The following USP1 variants were observed in gnomAD, a reference collection of about 807,000 sequenced individuals.
USP1 encodes ubiquitin carboxyl-terminal hydrolase 1.
A neutral mutation model predicts 72.2 loss-of-function variants in USP1; 18 were observed. The ratio of observed to expected loss-of-function variants is 0.25; its 90% CI spans 0.17 to 0.37. The LOEUF is 0.37. USP1 is among the 10% of genes least tolerant of loss of function. USP1 has a pLI of 1.00. For synonymous variants in USP1, 354 were observed against 303.7 expected (o/e 1.17, Z -1.72); for missense variants, 759 against 884.9 (o/e 0.86, Z 1.81).
intron 1 of USP1, 49 bp from the exon 2 acceptor site, chr1:62,439,750 G>T: frequency 1.1e-6 from 1 of 930,762 alleles, no homozygotes. Flanking sequence ...TGATTTTGTT[G>T]CCAAAACTGA....
rs1444470316 is a variant in USP1, at chr1:62,437,373, C to G, written c.-97C>G. The G allele has an allele frequency of 5.1e-6, 2 of 390,904 alleles. No homozygotes were observed. The highest frequency in any genetic ancestry group is 2.1e-5 in the African/African-American group (1 of 48,396). 24.2% of individuals were successfully genotyped at this position (390,904 alleles called of 1,614,324 possible). On this transcript the variant is annotated 5_prime_UTR_variant, in exon 1 of 9. Coordinates refer to ENST00000339950, the MANE Select transcript of USP1 (RefSeq NM_003368.5). ...GGGTTGGACTTGCCGGCGTCACCGC[C>G]GCGGACTTCGCTTTGGGCCATGACC...
chr1:62,441,682 T>C, intron 3 of USP1, 74 bp downstream of exon 3: 1 of 1,490,816 alleles, frequency 6.7e-7, no homozygotes, highest in South Asian at 1.4e-5. Context: ...GTTTTTGAGT[T>C]ATTGGAGGAC....
rs752830106 is a variant in USP1 at position 62,450,733 on chromosome 1, A to G, written c.2110A>G (p.Ser704Gly). 4 of 1,613,924 alleles carry G rather than the reference A, an allele frequency of 2.5e-6. No individual in the cohort carries two copies. The highest frequency in any genetic ancestry group is 3.3e-4 in the Middle Eastern group (2 of 6,080). Residue 704 changes from serine to glycine, a missense_variant, in exon 9 of 9, where the codon AGT becomes GGT. Physicochemically the swap from Ser to Gly is moderately conservative, Grantham distance 56. Transcript: ENST00000339950. The stretch of plus-strand genomic sequence containing the variant: ...TGCTGAAAATAGAAATTCTGAGACT[A>G]GTGATACTACTGGGACCCATGAATC... ...AFAENRNSET[S>G]DTTGTHESDR... is the part of the protein sequence containing the mutation.
rs369855508 is a variant in USP1 at position 62,450,487 on chromosome 1, G to C, written c.1864G>C (p.Gly622Arg). Residue 622 changes from glycine (G) to arginine (R), a missense_variant, in exon 9 of 9, where the codon GGT (glycine) becomes CGT (arginine). By Grantham distance (125) the Gly-to-Arg change is moderately radical (BLOSUM62 -2). Transcript: ENST00000339950. ...TGTGGTTGACCAAATGTGTGAAATA[G>C]GTAAGCCAGAACCATTGAATGAGGA... is the stretch of plus-strand genomic sequence containing the variant. ...NFVVDQMCEI[G>R]KPEPLNEEEA... The C allele has an allele frequency of 6.2e-7, 1 of 1,614,058 alleles. No homozygotes were observed. The highest frequency in any genetic ancestry group is 8.5e-7 in the Non-Finnish European group (1 of 1,180,016).
chr1:62,443,868 C>A (rs575030697), intron 5 of USP1, among the ~76,000 whole-genome samples: 1 of 152,084 alleles, frequency 6.6e-6, no homozygotes, highest in East Asian at 1.9e-4. Flanking sequence ...TATAAAATAG[C>A]CTTATTCAAA....
chr1:62,440,136 A>C, intron 2 of USP1, 99 bp downstream of exon 2: 1 of 1,095,226 alleles, frequency 9.1e-7, no homozygotes, highest in Non-Finnish European at 1.2e-6. Flanking sequence ...GTAGCGGCAC[A>C]AAAAAGTACG....
intron 3 of USP1, 46 bp from the exon 4 acceptor site, chr1:62,442,149 G>A (rs930344701): frequency 8.0e-7 from 1 of 1,252,074 alleles, no homozygotes; most frequent in Non-Finnish European, 1.1e-6. Flanking sequence ...GATTTTACGT[G>A]TATTGTTTGT....
Position 62,450,997 on chromosome 1 carries a change from C to T in USP1, c.*16C>T. On this transcript the variant is annotated 3_prime_UTR_variant, in exon 9 of 9. Transcript: ENST00000339950. The stretch of plus-strand genomic sequence containing the variant: ...GAAATTATAGAGTGAGTGTATTTTC[C>T]TTGTGTATATATTAAACACACCCAT... 6 of 1,555,760 alleles carry T rather than the reference C, an allele frequency of 3.9e-6. No homozygotes were observed. The highest frequency in any genetic ancestry group is 5.2e-6 in the Non-Finnish European group (6 of 1,159,810).
intron 7 of USP1, 59 bp downstream of exon 7, chr1:62,447,570 C>T (rs549617615): frequency 1.9e-6 from 3 of 1,542,684 alleles, no homozygotes; most frequent in African/African-American, 2.8e-5. Context: ...TCTTTAACAA[C>T]ACAAAGTTTA....
rs912352174 is a variant in USP1 at position 62,451,167 on chromosome 1, C to T, written c.*186C>T. 6.7e-6 allele frequency: 4 copies of T among 601,146 alleles called. No homozygotes were observed. The highest frequency in any genetic ancestry group is 1.9e-5 in the African/African-American group (1 of 52,090). The allele number at this position is 601,146 out of a possible 1,614,324, so 37.2% of individuals were successfully genotyped here. A position where few individuals can be genotyped will look rare whatever the true frequency, so the allele number is the denominator to read the frequency against. On this transcript the variant is annotated 3_prime_UTR_variant, in exon 9 of 9. Transcript: ENST00000339950. ...ATGTTAATTTTTAGAACTCATTTTC[C>T]TCAGTAGAGACTAGTGATGCATTAG...
Position 62,441,537 on chromosome 1 carries a change from A to C in USP1, c.220A>C (p.Arg74=). ...AQSSPINCEK[R]ENLLPFVGLN... ...GTCTTCACCTATAAACTGTGAGAAG[A>C]GAGAAAACTTGTTACCATTTGTGGG... The change falls in exon 3 of 9, where the codon AGA becomes CGA. Residue 74 remains arginine (R), a synonymous_variant. Coordinates refer to ENST00000339950, the MANE Select transcript of USP1 (RefSeq NM_003368.5). The C allele has an allele frequency of 6.2e-7, 1 of 1,613,714 alleles. No individual in the cohort carries two copies. The highest frequency in any genetic ancestry group is 8.5e-7 in the Non-Finnish European group (1 of 1,179,828).
chr1:62,450,118 G>A, intron 8 of USP1, 128 bp from the exon 9 acceptor site: 1 of 1,146,586 alleles, frequency 8.7e-7, no homozygotes, highest in Non-Finnish European at 1.2e-6. Flanking sequence ...TTTTGATTCT[G>A]CTTTTCTGAT....
chr1:62,450,581 AGCC>A lies in USP1; in HGVS notation c.1959_1961del (p.Pro654del). Reference sequence around the variant, plus strand: ...TCAATTAGAGTTGGTGGAAATACACAGCCAAGTAAAGTTTTGAACAAAAAAAAT... The same window carrying A: ...TCAATTAGAGTTGGTGGAAATACACAAAGTAAAGTTTTGAACAAAAAAAAT... On this transcript the variant is annotated inframe_deletion, in exon 9 of 9. Coordinates refer to ENST00000339950, the MANE Select transcript of USP1 (RefSeq NM_003368.5). The A allele has an allele frequency of 6.2e-7, 1 of 1,614,026 alleles. No individual in the cohort carries two copies. Among genetic ancestry groups the A allele is most frequent in the East Asian group, 2.2e-5 (1 of 44,874 alleles).
At chr1:62,447,986 CCA>C (rs1645187651) in intron 7 of USP1, among the ~76,000 whole-genome samples, 2 of 152,124 alleles carry the variant, frequency 1.3e-5, no homozygotes, top group South Asian at 4.1e-4. Context: ...CGGGGTTTCA[CCA>C]TGTTAGCCAG....
At position 62,451,267 on chromosome 1, in the gene USP1, C is replaced by A; in HGVS notation, c.*286C>A. 4.1e-6 allele frequency: 1 copy of A among 242,096 alleles called. No individual in the cohort carries two copies. Among genetic ancestry groups the A allele is most frequent in the East Asian group, 8.5e-5 (1 of 11,704 alleles). The allele number at this position is 242,096 out of a possible 1,614,324, so 15.0% of individuals were successfully genotyped here. On this transcript the variant is annotated 3_prime_UTR_variant, in exon 9 of 9. Coordinates refer to ENST00000339950, the MANE Select transcript of USP1 (RefSeq NM_003368.5). ...AGGCATTTAAACACTTGGATTTACA[C>A]CAGTCTTTTGTGTTTGCTTTTTAAA... is the stretch of plus-strand genomic sequence containing the variant.
intron 8 of USP1, among the ~76,000 whole-genome samples, chr1:62,449,023 C>T (rs1372695050): frequency 2.0e-5 from 3 of 152,114 alleles, no homozygotes; most frequent in African/African-American, 4.8e-5. Flanking sequence ...GCTGGGACTA[C>T]AGGTGCATGC....
intron 1 of USP1, 67 bp from the exon 2 acceptor site, chr1:62,439,732 A>T: frequency 1.3e-6 from 1 of 755,210 alleles, no homozygotes; most frequent in Non-Finnish European, 1.9e-6. Context: ...ATTTGTTTTC[A>T]AAATTGATGA....
chr1:62,437,469 A>C (rs1349917107), intron 1 of USP1, 69 bp downstream of exon 1: 1 of 311,042 alleles, frequency 3.2e-6, no homozygotes, highest in African/African-American at 2.2e-5. Flanking sequence ...GCGGGAGAGG[A>C]GCTGCCGGGG....
Position 62,439,804 on chromosome 1 carries a change from A to C in USP1, c.-64A>C, listed in dbSNP as rs1477235414. On this transcript the variant is annotated 5_prime_UTR_variant, in exon 2 of 9. An upstream open reading frame in the 5' UTR loses its in-frame stop. Transcript: ENST00000339950. The stretch of plus-strand genomic sequence containing the variant: ...ACTTTCTCTGTGATTAACAGATATA[A>C]TTGGTGATTACAACTTTCCTCTATA... The C allele has an allele frequency of 2.3e-6, 3 of 1,277,788 alleles. No individual in the cohort carries two copies. Among genetic ancestry groups the C allele is most frequent in the Non-Finnish European group, 3.0e-6 (3 of 986,214 alleles). 79.2% of individuals were successfully genotyped at this position (1,277,788 alleles called of 1,614,324 possible). A position where few individuals can be genotyped will look rare whatever the true frequency, so the allele number is the denominator to read the frequency against.
Sources: gnomAD v4.1 joint callset for allele counts (sites outside exome capture counted in the v4.1 genomes callset) on GRCh38, gnomAD v4.1.1 for gene constraint, MANE v1.5 for transcripts, NCBI Gene and HGNC (gene_info 2026-07-23, HGNC 2026-07-21) for gene names.